KCNT2: variants seen among roughly 807,000 people sequenced by gnomAD.
KCNT2 encodes the protein potassium channel subfamily T member 2.
Under a neutral mutation model 153.8 loss-of-function variants are expected in KCNT2, and 67 were observed. The ratio of observed to expected loss-of-function variants is 0.44; its 90% CI spans 0.36 to 0.53. KCNT2 has a LOEUF of 0.53. Ranked by LOEUF, KCNT2 falls within the 20% of genes least tolerant of loss-of-function variation. The probability of loss-of-function intolerance (pLI) is 0.00; values close to 1 mark genes in which losing one functional copy is unlikely to be tolerated. For synonymous variants in KCNT2, 500 were observed against 458.8 expected (o/e 1.09, Z -1.15); for missense variants, 975 against 1,354.8 (o/e 0.72, Z 4.40).
chr1:196,314,899 G>T (rs1662556609), intron 21 of KCNT2, among the ~76,000 whole-genome samples: 1 of 151,654 alleles, frequency 6.6e-6, no homozygotes, highest in African/African-American at 2.4e-5. Flanking sequence ...GCTAAGTAAG[G>T]CATTGCATGT....
rs935203176 is a variant in KCNT2 at position 196,371,918 on chromosome 1, G to A, written c.1403+1222C>T. 2.6e-5 allele frequency among the ~76,000 whole-genome samples: 4 copies of A among 152,190 alleles called. 1 individual carries two copies. The highest frequency in any genetic ancestry group is 9.6e-5 in the African/African-American group (4 of 41,564). ...TAGATAGTCATCATTACAGTTGTCT[G>A]AGTCTGTACGAAGACGTTACGGAAA... On this transcript the variant is annotated intron_variant, in intron 14 of 27. Transcript: ENST00000294725.
chr1:196,548,814 A>T (rs1657484404), intron 1 of KCNT2, among the ~76,000 whole-genome samples: 1 of 152,164 alleles, frequency 6.6e-6, no homozygotes, highest in African/African-American at 2.4e-5. Flanking sequence ...ACCATGGAAT[A>T]CTATGCAGCC....
chr1:196,435,142 T>TAC (rs1674525966), intron 8 of KCNT2, among the ~76,000 whole-genome samples: 1 of 77,270 alleles, frequency 1.3e-5, no homozygotes, highest in Non-Finnish European at 2.6e-5. Context: ...TGTGTATGTA[T>TAC]ATATATATAT....
Position 196,465,352 on chromosome 1 carries a change from A to G in KCNT2, c.579T>C (p.Ser193=). The change falls in exon 8 of 28, where the codon TCT becomes TCC. Residue 193 remains serine, a synonymous_variant. Transcript: ENST00000294725. ...DLHRAIQRTQ[S]AMFNQVLILI... is the part of the protein sequence containing the mutation. Reference sequence around the variant, plus strand: ...AAATCAAAACTTGATTAAACATTGCAGACTGTGTACGCTGAATGGCTCTGT... The same window carrying G: ...AAATCAAAACTTGATTAAACATTGCGGACTGTGTACGCTGAATGGCTCTGT... The G allele has an allele frequency of 6.2e-7, 1 of 1,609,158 alleles. No homozygotes were observed. Among genetic ancestry groups the G allele is most frequent in the Non-Finnish European group, 8.5e-7 (1 of 1,176,084 alleles).
chr1:196,606,494 A>G (rs1320282863), intron 1 of KCNT2, among the ~76,000 whole-genome samples: 3 of 152,220 alleles, frequency 2.0e-5, no homozygotes, highest in Non-Finnish European at 4.4e-5. Context: ...TAACCTTTTA[A>G]TAGAACATAA....
At chr1:196,506,714 G>T (rs1050980543) in intron 1 of KCNT2, among the ~76,000 whole-genome samples, 2 of 152,118 alleles carry the variant, frequency 1.3e-5, no homozygotes, top group African/African-American at 4.8e-5. Context: ...TCACTCTCCT[G>T]AAATACTGTT....
At chr1:196,387,360 A>G (rs1043215180) in intron 13 of KCNT2, among the ~76,000 whole-genome samples, 3 of 151,932 alleles carry the variant, frequency 2.0e-5, no homozygotes, top group Non-Finnish European at 4.4e-5. Context: ...AATCACTCAT[A>G]TCTGCATTCA....
chr1:196,449,711 G>A (rs1194181194), intron 8 of KCNT2, among the ~76,000 whole-genome samples: 1 of 151,352 alleles, frequency 6.6e-6, no homozygotes, highest in African/African-American at 2.4e-5. Context: ...GAGAAGAAAA[G>A]CAATGAATCA....
rs374383665 is a variant in KCNT2 at position 196,465,942 on chromosome 1, T to C, written c.544-555A>G. Among the ~76,000 whole-genome samples, 18 of 152,152 alleles carry C rather than the reference T, an allele frequency of 1.2e-4. No homozygotes were observed. The East Asian group carries it at 2.9e-3, about 25-fold the overall frequency. On this transcript the variant is annotated intron_variant, in intron 7 of 27. Transcript: ENST00000294725. ...TGAGCCATTATTTGTGTACCACTCA[T>C]TTTGTCCACCACTCATTTAACCAGA...
intron 8 of KCNT2, among the ~76,000 whole-genome samples, chr1:196,451,698 C>T (rs1330999554): frequency 6.6e-6 from 1 of 151,762 alleles, no homozygotes; most frequent in Admixed American, 6.6e-5. Flanking sequence ...AAGACACTCT[C>T]TTTTCTTCAA....
At chr1:196,343,693 A>G (rs1394303177) in intron 14 of KCNT2, among the ~76,000 whole-genome samples, 1 of 152,168 alleles carries the variant, frequency 6.6e-6, no homozygotes, top group Non-Finnish European at 1.5e-5. Context: ...TTAAAGAGTT[A>G]AGAGCCTGGG....
chr1:196,565,738 A>G (rs1660030658), intron 1 of KCNT2, among the ~76,000 whole-genome samples: 1 of 151,774 alleles, frequency 6.6e-6, no homozygotes, highest in African/African-American at 2.4e-5. Flanking sequence ...ATATTGCATG[A>G]TCTCATTTAT....
chr1:196,439,509 A>T lies in KCNT2; in HGVS notation c.639-9752T>A, dbSNP rs562776886. On this transcript the variant is annotated intron_variant, in intron 8 of 27. Coordinates refer to ENST00000294725, the MANE Select transcript of KCNT2 (RefSeq NM_198503.5). Reference sequence around the variant, plus strand: ...TGCCCCTTGACAAGTATATTGTTTTATGTGGTTTTCAACAAATAGTTATTG... The same window carrying T: ...TGCCCCTTGACAAGTATATTGTTTTTTGTGGTTTTCAACAAATAGTTATTG... Among the ~76,000 whole-genome samples, 13 of 152,080 alleles carry T rather than the reference A, an allele frequency of 8.5e-5. No homozygotes were observed. In the East Asian group the frequency reaches 2.3e-3, roughly 27 times the overall value.
intron 25 of KCNT2, among the ~76,000 whole-genome samples, chr1:196,276,232 A>G (rs567919716): frequency 1.7e-4 from 26 of 152,208 alleles, no homozygotes; most frequent in Non-Finnish European, 3.5e-4. Context: ...AATTCAGGAC[A>G]TACCATGACT....
At chr1:196,416,516 C>T (rs533194870) in intron 12 of KCNT2, among the ~76,000 whole-genome samples, 1 of 152,076 alleles carries the variant, frequency 6.6e-6, no homozygotes, top group African/African-American at 2.4e-5. Context: ...ACTACTGTAC[C>T]TATTGACCCC....
chr1:196,451,978 A>G (rs1173241363), intron 8 of KCNT2, among the ~76,000 whole-genome samples: 3 of 151,824 alleles, frequency 2.0e-5, no homozygotes, highest in African/African-American at 7.2e-5. Flanking sequence ...TCTTTTTTTC[A>G]AGACAGTTAT....
chr1:196,503,643 G>C (rs1043738819), intron 1 of KCNT2, among the ~76,000 whole-genome samples: 1 of 152,156 alleles, frequency 6.6e-6, no homozygotes, highest in African/African-American at 2.4e-5. Flanking sequence ...CCAATATGGG[G>C]AGAAATATAT....
At chr1:196,563,189 A>C (rs927333905) in intron 1 of KCNT2, among the ~76,000 whole-genome samples, 10 of 152,022 alleles carry the variant, frequency 6.6e-5, no homozygotes, top group African/African-American at 2.2e-4. Flanking sequence ...ATACGAAAGA[A>C]AGACAGAGTA....
At chr1:196,549,615 G>A (rs1482294975) in intron 1 of KCNT2, among the ~76,000 whole-genome samples, 3 of 151,798 alleles carry the variant, frequency 2.0e-5, no homozygotes, top group Non-Finnish European at 2.9e-5. Context: ...ATCTGTTGGA[G>A]TGTTTATTAA....
Sources: gnomAD v4.1 joint callset for allele counts (sites outside exome capture counted in the v4.1 genomes callset) on GRCh38, gnomAD v4.1.1 for gene constraint, MANE v1.5 for transcripts, NCBI Gene and HGNC (gene_info 2026-07-23, HGNC 2026-07-21) for gene names.